The following ARHGAP39 variants were observed in gnomAD, a reference collection of about 807,000 sequenced individuals.
The protein encoded by ARHGAP39 is Rho GTPase activating protein 39.
In ARHGAP39, 44 loss-of-function variants were observed where a neutral mutation model predicts 106.9. That is an observed-to-expected ratio of 0.41 (90% CI 0.32 to 0.53). The LOEUF (loss-of-function observed/expected upper bound fraction) is 0.53, where lower values mean the gene tolerates loss of function less well. Among genes scored for constraint, ARHGAP39 ranks in the 20% least tolerant of loss-of-function variants. ARHGAP39 has a pLI of 0.21. For synonymous variants in ARHGAP39, 768 were observed against 693.2 expected, an observed-to-expected ratio of 1.11 and a Z score of -1.69; for missense variants, 1,496 against 1,577.3, an observed-to-expected ratio of 0.95 and a Z score of 0.87.
chr8:144,661,583 C>A (rs1434024569), intron 1 of ARHGAP39, among the ~76,000 whole-genome samples: 1 of 152,164 alleles, frequency 6.6e-6, no homozygotes. Context: ...GGCCTGAGGC[C>A]ATCTGGCCAC....
chr8:144,692,444 C>T, the ARHGAP39 span, among the ~76,000 whole-genome samples: 1 of 152,234 alleles, frequency 6.6e-6, no homozygotes, highest in East Asian at 1.9e-4. Context: ...GGGGCAGCCG[C>T]AGGAAAGCAC....
At chr8:144,601,208 G>A (rs528787143) in intron 2 of ARHGAP39, among the ~76,000 whole-genome samples, 6 of 145,852 alleles carry the variant, frequency 4.1e-5, no homozygotes, top group African/African-American at 1.3e-4. Flanking sequence ...GTGCATGTGC[G>A]TGGAGGTGCG....
chr8:144,672,472 G>A (rs1456121623), intron 1 of ARHGAP39, among the ~76,000 whole-genome samples: 1 of 152,174 alleles, frequency 6.6e-6, no homozygotes, highest in Admixed American at 6.5e-5. Flanking sequence ...AAGATGAAAG[G>A]AGCATGGCAA....
At chr8:144,657,492 A>AG in intron 1 of ARHGAP39, among the ~76,000 whole-genome samples, 1 of 152,186 alleles carries the variant, frequency 6.6e-6, no homozygotes, top group Non-Finnish European at 1.5e-5. Context: ...TTATAAAGCC[A>AG]ATAGTACAAA....
intron 3 of ARHGAP39, among the ~76,000 whole-genome samples, chr8:144,559,370 A>G (rs1047769254): frequency 2.0e-5 from 3 of 150,946 alleles, no homozygotes; most frequent in African/African-American, 7.3e-5. Context: ...AAAAAAAAAA[A>G]AAAAAAAAAA....
chr8:144,530,161 G>T lies in ARHGAP39; in HGVS notation c.*261C>A. 1 of 518,138 alleles carries T rather than the reference G, an allele frequency of 1.9e-6. No homozygotes were observed. Among genetic ancestry groups the T allele is most frequent in the East Asian group, 3.4e-5 (1 of 29,680 alleles). The allele number at this position is 518,138 out of a possible 1,614,324, so 32.1% of individuals were successfully genotyped here. On this transcript the variant is annotated 3_prime_UTR_variant, in exon 12 of 12. Coordinates refer to ENST00000377307, the MANE Select transcript of ARHGAP39 (RefSeq NM_025251.3). ...GGCACTTTCTCGGAGCTGACCCGCGGCCAGCGGAGGGCGAGGCGGTGCCCG... is the reference window on the plus strand; with the variant it reads ...GGCACTTTCTCGGAGCTGACCCGCGTCCAGCGGAGGGCGAGGCGGTGCCCG...
intron 1 of ARHGAP39, among the ~76,000 whole-genome samples, chr8:144,660,235 C>G (rs1821790075): frequency 6.6e-6 from 1 of 152,210 alleles, no homozygotes; most frequent in African/African-American, 2.4e-5. Flanking sequence ...CCTATTCCCA[C>G]AAGCCTGAAT....
chr8:144,549,214 C>A (rs1165268399), intron 4 of ARHGAP39, among the ~76,000 whole-genome samples: 1 of 152,276 alleles, frequency 6.6e-6, no homozygotes, highest in African/African-American at 2.4e-5. Context: ...CCCACACGTG[C>A]TCTGCCCCTG....
At position 144,629,272 on chromosome 8, in the gene ARHGAP39, G is replaced by A. The variant is rs376858494; in HGVS notation, c.-81-23577C>T. ...ATTAGGGGCAGCCTCAGCCTAAGGC[G>A]GAGCTGCACCAATGGCGACACCTCA... On this transcript the variant is annotated intron_variant, in intron 1 of 11. Coordinates refer to ENST00000377307, the MANE Select transcript of ARHGAP39 (RefSeq NM_025251.3). Among the ~76,000 whole-genome samples, 8 of 152,212 alleles carry A rather than the reference G, an allele frequency of 5.3e-5. No individual in the cohort carries two copies. In the East Asian group the frequency reaches 5.8e-4, roughly 11 times the overall value.
chr8:144,553,051 C>G (rs1293485934), intron 4 of ARHGAP39, among the ~76,000 whole-genome samples: 1 of 152,250 alleles, frequency 6.6e-6, no homozygotes, highest in Non-Finnish European at 1.5e-5. Flanking sequence ...GCTCTCCTCC[C>G]TCTTCCCAGA....
intron 1 of ARHGAP39, among the ~76,000 whole-genome samples, chr8:144,674,992 A>C (rs1046426843): frequency 2.0e-5 from 3 of 152,064 alleles, no homozygotes; most frequent in Non-Finnish European, 2.9e-5. Flanking sequence ...TGAGTCCCCG[A>C]GAGAGCAGGG....
At chr8:144,581,472 C>G (rs893015055) in intron 2 of ARHGAP39, among the ~76,000 whole-genome samples, 195 bp from the exon 3 acceptor site, 4 of 152,262 alleles carry the variant, frequency 2.6e-5, no homozygotes, top group African/African-American at 9.6e-5. Context: ...CCGGAGCCGC[C>G]AGCGCCTCAG....
chr8:144,604,610 T>C lies in ARHGAP39; in HGVS notation c.80+925A>G, dbSNP rs932571729. ...CCAGGCTGGGATGATCTGTTTTAAA[T>C]AGGGTGACTATTACCTTAAAAATAT... On this transcript the variant is annotated intron_variant, in intron 2 of 11. Coordinates refer to ENST00000377307, the MANE Select transcript of ARHGAP39 (RefSeq NM_025251.3). This position sits in a 1 kb window ranked among gnomAD's most constrained non-coding sequence, Gnocchi z 4.1. 6.6e-6 allele frequency among the ~76,000 whole-genome samples: 1 copy of C among 152,108 alleles called. No homozygotes were observed. The highest frequency in any genetic ancestry group is 2.4e-5 in the African/African-American group (1 of 41,398).
chr8:144,661,820 A>G (rs1821829642), intron 1 of ARHGAP39, among the ~76,000 whole-genome samples: 1 of 150,398 alleles, frequency 6.6e-6, no homozygotes, highest in Non-Finnish European at 1.5e-5. Context: ...TCTATTATCC[A>G]CCTTGAACTG....
chr8:144,542,435 G>A (rs151326337), intron 6 of ARHGAP39, among the ~76,000 whole-genome samples: 2 of 152,266 alleles, frequency 1.3e-5, no homozygotes, highest in African/African-American at 4.8e-5. Flanking sequence ...TCAGGGCGAC[G>A]CACCAGGCTC....
intron 1 of ARHGAP39, among the ~76,000 whole-genome samples, chr8:144,637,864 C>CTTT (rs79827287): frequency 3.5e-5 from 5 of 140,900 alleles, no homozygotes; most frequent in African/African-American, 1.3e-4. Context: ...ATTTTTCTTT[C>CTTT]TTTTTTTTTT....
At chr8:144,596,117 T>G (rs894552321) in intron 2 of ARHGAP39, among the ~76,000 whole-genome samples, 4 of 152,118 alleles carry the variant, frequency 2.6e-5, no homozygotes, top group South Asian at 4.1e-4. Flanking sequence ...CAAACCCACA[T>G]GACCGGAACC....
intron 10 of ARHGAP39, among the ~76,000 whole-genome samples, chr8:144,531,158 G>A (rs1449270397): frequency 6.6e-6 from 1 of 152,218 alleles, no homozygotes. Flanking sequence ...GGGGGTGTCT[G>A]CAGAGCAGGC....
intron 2 of ARHGAP39, among the ~76,000 whole-genome samples, chr8:144,599,476 C>A (rs1464339839): frequency 6.6e-6 from 1 of 152,144 alleles, no homozygotes. Flanking sequence ...TTATTCTTCA[C>A]AATAGAAACC....
Sources: allele counts gnomAD v4.1 joint callset (sites outside exome capture counted in the v4.1 genomes callset), GRCh38; gene constraint gnomAD v4.1.1; non-coding constraint Gnocchi (gnomAD v3.1); transcripts MANE v1.5; gene names NCBI Gene and HGNC (gene_info 2026-07-23, HGNC 2026-07-21).